KDM4B: variants seen among roughly 807,000 people sequenced by gnomAD.
The protein encoded by KDM4B is lysine-specific demethylase 4B.
Under a neutral mutation model 125.2 loss-of-function variants are expected in KDM4B, and 32 were observed. That is an observed-to-expected ratio of 0.26 (90% confidence interval 0.19 to 0.34). The LOEUF is 0.34. KDM4B is among the 10% of genes least tolerant of loss of function. The pLI is 1.00. For synonymous variants in KDM4B, 721 were observed against 677.9 expected (o/e 1.06, Z -0.99); for missense variants, 1,190 against 1,577.7 (o/e 0.75, Z 4.16).
At chr19:5,025,984 G>A (rs901592145) in intron 2 of KDM4B, among the ~76,000 whole-genome samples, 2 of 152,020 alleles carry the variant, frequency 1.3e-5, no homozygotes, top group Admixed American at 6.5e-5. Context: ...CTGGGTTCAG[G>A]CAGTTGTCCT....
At chr19:5,048,725 TGTAGAGGACCCC>T (rs2037120918) in intron 6 of KDM4B, among the ~76,000 whole-genome samples, 1 of 152,354 alleles carries the variant, frequency 6.6e-6, no homozygotes, top group Non-Finnish European at 1.5e-5. Flanking sequence ...GGAAAGGCCC[TGTAGAGGACCCC>T]GTGTGACTTG....
intron 5 of KDM4B, among the ~76,000 whole-genome samples, chr19:5,043,223 A>C (rs530509947): frequency 1.3e-5 from 1 of 76,596 alleles, no homozygotes; most frequent in African/African-American, 5.1e-5. Context: ...ACCTTATCCC[A>C]CTCTGTGTTT....
chr19:4,981,762 G>A (rs968767823), intron 1 of KDM4B, among the ~76,000 whole-genome samples: 1 of 152,188 alleles, frequency 6.6e-6, no homozygotes, highest in Non-Finnish European at 1.5e-5. Context: ...GGACAGTGAT[G>A]TGCCTGGGGA....
At chr19:5,073,179 G>T (rs551193989) in intron 7 of KDM4B, among the ~76,000 whole-genome samples, 8 of 152,366 alleles carry the variant, frequency 5.3e-5, no homozygotes, top group South Asian at 2.1e-4. Context: ...TAGCATGTGG[G>T]TGCCTTGGAG....
At chr19:4,998,343 TG>T (rs2145415667) in intron 1 of KDM4B, among the ~76,000 whole-genome samples, 1 of 152,356 alleles carries the variant, frequency 6.6e-6, no homozygotes, top group East Asian at 1.9e-4. Context: ...TTGTTGTTTT[TG>T]TTTTAATAAA....
In KDM4B at chr19:5,110,806, A is replaced by G. The variant is rs2039127948; in HGVS notation, c.1103A>G (p.Lys368Arg). ...WSASRASLKA[K>R]LLRRSHRKRS... is the part of the protein sequence containing the mutation. ...GCATCCCGGGCCTCGCTGAAGGCCA[A>G]GCTCCTCCGCAGGTGAGTTGCCAAG... The change falls in exon 10 of 23, where the codon AAG (lysine) becomes AGG (arginine). Residue 368 changes from lysine to arginine, a missense_variant. Coordinates refer to ENST00000159111, the MANE Select transcript of KDM4B (RefSeq NM_015015.3). 5.0e-6 allele frequency: 8 copies of G among 1,585,818 alleles called. No individual in the cohort carries two copies. Among genetic ancestry groups the G allele is most frequent in the Non-Finnish European group, 6.9e-6 (8 of 1,166,868 alleles).
intron 11 of KDM4B, among the ~76,000 whole-genome samples, chr19:5,122,581 A>G (rs2613799): frequency 0.39 from 59,456 of 152,196 alleles, 11,727 homozygotes; most frequent in East Asian, 0.64. Flanking sequence ...AATAAAGATG[A>G]ACAAATTCAG....
chr19:5,053,876 T>A (rs2037310107), intron 6 of KDM4B, among the ~76,000 whole-genome samples: 1 of 152,220 alleles, frequency 6.6e-6, no homozygotes, highest in African/African-American at 2.4e-5. Flanking sequence ...GCTGACTGGC[T>A]CTGGGTCCAC....
intron 1 of KDM4B, among the ~76,000 whole-genome samples, chr19:5,002,433 A>G (rs4995813): frequency 8.3e-6 from 1 of 120,202 alleles, no homozygotes; most frequent in Non-Finnish European, 1.8e-5. Flanking sequence ...CTTTCTCTCT[A>G]CTTTCTCTCC....
intron 9 of KDM4B, among the ~76,000 whole-genome samples, chr19:5,104,156 G>C (rs1368601674): frequency 6.6e-6 from 1 of 152,192 alleles, no homozygotes; most frequent in Non-Finnish European, 1.5e-5. Flanking sequence ...GAGAAGCAGA[G>C]GAGCTCGCTC....
chr19:5,087,208 TTTA>T (rs1162053148), intron 9 of KDM4B, among the ~76,000 whole-genome samples: 1 of 152,220 alleles, frequency 6.6e-6, no homozygotes, highest in African/African-American at 2.4e-5. Flanking sequence ...GGGGGTGGGA[TTTA>T]TTCCCGTGGG....
At chr19:5,143,169 C>A (rs1599269011) in intron 18 of KDM4B, among the ~76,000 whole-genome samples, 1 of 151,976 alleles carries the variant, frequency 6.6e-6, no homozygotes. Flanking sequence ...CTACAAAAGT[C>A]AAAAATTAGC....
chr19:5,062,252 A>G (rs1478460402), intron 6 of KDM4B, among the ~76,000 whole-genome samples: 4 of 152,130 alleles, frequency 2.6e-5, no homozygotes, highest in African/African-American at 7.2e-5. Context: ...TGGCCTGTGG[A>G]TCCACTCCCT....
At chr19:5,144,656 C>G (rs986926462) in intron 20 of KDM4B, 127 bp from the exon 21 acceptor site, 50 of 1,374,814 alleles carry the variant, frequency 3.6e-5, no homozygotes, top group Non-Finnish European at 5.0e-5. Flanking sequence ...TACCCCGGGC[C>G]CCCGCAGCCA....
At position 5,110,960 on chromosome 19, in the gene KDM4B, C is replaced by G. The variant is rs1395315821; in HGVS notation, c.1115+142C>G. ...TCTTCCTATTCCCACCCCGCCTCCTCTTTCGTCCTCCTCCTCCTGTTCTGT... is the reference window on the plus strand; with the variant it reads ...TCTTCCTATTCCCACCCCGCCTCCTGTTTCGTCCTCCTCCTCCTGTTCTGT... On this transcript the variant is annotated intron_variant, in intron 10 of 22. Transcript: ENST00000159111. The G allele has an allele frequency of 1.5e-5, 10 of 653,488 alleles. No homozygotes were observed. In the East Asian group the frequency reaches 2.5e-4, roughly 17 times the overall value. 40.5% of individuals were successfully genotyped at this position (653,488 alleles called of 1,614,324 possible).
chr19:5,126,152 C>T (rs1488911845), intron 11 of KDM4B, among the ~76,000 whole-genome samples: 1 of 152,126 alleles, frequency 6.6e-6, no homozygotes, highest in Non-Finnish European at 1.5e-5. Flanking sequence ...ACCTGTTGCT[C>T]ACAGGGGCCA....
chr19:5,090,455 TCTCTCC>T, intron 9 of KDM4B, among the ~76,000 whole-genome samples: 1 of 55,184 alleles, frequency 1.8e-5, no homozygotes, highest in Non-Finnish European at 3.4e-5. Context: ...CTTCCCCCTC[TCTCTCC>T]GCCTCTTTCT....
intron 1 of KDM4B, among the ~76,000 whole-genome samples, chr19:4,976,341 A>G (rs933964834): frequency 6.6e-6 from 1 of 151,982 alleles, no homozygotes; most frequent in African/African-American, 2.4e-5. Context: ...CCACCCAGAC[A>G]GCCTCACCAT....
chr19:5,100,725 T>C (rs2038914733), intron 9 of KDM4B, among the ~76,000 whole-genome samples: 1 of 152,218 alleles, frequency 6.6e-6, no homozygotes, highest in South Asian at 2.1e-4. Flanking sequence ...TCTTTGTCTT[T>C]TTTATTAATT....
Sources: gnomAD v4.1 joint callset for allele counts (sites outside exome capture counted in the v4.1 genomes callset) on GRCh38, gnomAD v4.1.1 for gene constraint, MANE v1.5 for transcripts, NCBI Gene and HGNC (gene_info 2026-07-23, HGNC 2026-07-21) for gene names.